Variants in SH3PXD2A observed in about 807,000 individuals in gnomAD.
SH3PXD2A encodes SH3 and PX domain-containing protein 2A.
SH3PXD2A carries 32 observed loss-of-function variants against 115.2 expected under a neutral mutation model. That is an observed-to-expected ratio of 0.28 (90% confidence interval 0.21 to 0.37). The LOEUF (loss-of-function observed/expected upper bound fraction) is 0.37. Among genes scored for constraint, SH3PXD2A ranks in the 10% least tolerant of loss-of-function variants. The probability of loss-of-function intolerance (pLI) is 1.00; values close to 1 mark genes in which losing one functional copy is unlikely to be tolerated. For missense variants in SH3PXD2A, 1,328 were observed against 1,498.7 expected (o/e 0.89, Z 1.88); for synonymous variants, 610 against 629.1 (o/e 0.97, Z 0.45).
At chr10:103,700,574 T>C (rs2037880639) in intron 5 of SH3PXD2A, among the ~76,000 whole-genome samples, 1 of 152,104 alleles carries the variant, frequency 6.6e-6, no homozygotes, top group Non-Finnish European at 1.5e-5. Context: ...CCCACCTAGA[T>C]GGTGACACTG....
intron 2 of SH3PXD2A, among the ~76,000 whole-genome samples, chr10:103,767,916 G>A (rs1564884233): frequency 6.7e-6 from 1 of 149,086 alleles, no homozygotes; most frequent in Non-Finnish European, 1.5e-5. Flanking sequence ...CTTTGTGTGT[G>A]GCTGATTTCC....
At chr10:103,644,462 C>A (rs2037005444) in intron 8 of SH3PXD2A, among the ~76,000 whole-genome samples, 1 of 151,776 alleles carries the variant, frequency 6.6e-6, no homozygotes, top group Non-Finnish European at 1.5e-5. Flanking sequence ...TGGTACGCAC[C>A]TGTGGTCCCA....
chr10:103,625,129 CACT>C (rs2036672525), intron 9 of SH3PXD2A, among the ~76,000 whole-genome samples: 1 of 152,222 alleles, frequency 6.6e-6, no homozygotes, highest in Non-Finnish European at 1.5e-5. Context: ...CTGCCCAACC[CACT>C]ACTACTTGTT....
At chr10:103,724,855 T>C (rs972639732) in intron 4 of SH3PXD2A, among the ~76,000 whole-genome samples, 1 of 151,796 alleles carries the variant, frequency 6.6e-6, no homozygotes, top group Admixed American at 6.5e-5. Flanking sequence ...CTAATCATTC[T>C]GCAGGAACCC....
chr10:103,791,707 C>T (rs910260487), intron 2 of SH3PXD2A, among the ~76,000 whole-genome samples: 2 of 151,998 alleles, frequency 1.3e-5, no homozygotes, highest in Non-Finnish European at 2.9e-5. Context: ...TCCCGAGTTG[C>T]TCTGGACCTG....
chr10:103,737,217 C>CT (rs2038390835), intron 3 of SH3PXD2A, among the ~76,000 whole-genome samples: 1 of 152,152 alleles, frequency 6.6e-6, no homozygotes, highest in African/African-American at 2.4e-5. Context: ...AACCAGGGTC[C>CT]ACCTGGTACT....
Position 103,666,593 on chromosome 10 carries a change from T to C in SH3PXD2A, c.472+2015A>G, listed in dbSNP as rs1657706011. On this transcript the variant is annotated intron_variant, in intron 7 of 14. Coordinates refer to ENST00000369774, the MANE Select transcript of SH3PXD2A (RefSeq NM_001394015.1). The surrounding 1 kb of genome is among the most constrained non-coding windows in gnomAD (Gnocchi z 4.5). The stretch of plus-strand genomic sequence containing the variant: ...AATGCTTAGAATTAGAGTCCAAAGG[T>C]CTGAGGTCCAGTCCTGCTTTGCCCT... Among the ~76,000 whole-genome samples, 2 of 152,210 alleles carry C rather than the reference T, an allele frequency of 1.3e-5. No individual in the cohort carries two copies. The highest frequency in any genetic ancestry group is 6.5e-5 in the Admixed American group (1 of 15,288).
intron 6 of SH3PXD2A, among the ~76,000 whole-genome samples, chr10:103,687,613 G>A (rs559770721): frequency 3.1e-4 from 47 of 152,208 alleles, no homozygotes; most frequent in Admixed American, 7.2e-4. Context: ...AGCCCCCTGC[G>A]ACCTTGCACA....
chr10:103,792,747 T>C (rs2039047184), intron 2 of SH3PXD2A, among the ~76,000 whole-genome samples: 1 of 152,172 alleles, frequency 6.6e-6, no homozygotes, highest in Non-Finnish European at 1.5e-5. Context: ...AGTTTCGTCA[T>C]GACACAAGAA....
intron 5 of SH3PXD2A, among the ~76,000 whole-genome samples, chr10:103,702,976 G>A (rs1295886204): frequency 1.3e-5 from 2 of 152,184 alleles, no homozygotes; most frequent in Non-Finnish European, 2.9e-5. Context: ...CAGATACCAG[G>A]GCCCCACTGC....
chr10:103,813,181 G>A (rs1390706902), intron 1 of SH3PXD2A, among the ~76,000 whole-genome samples: 1 of 151,952 alleles, frequency 6.6e-6, no homozygotes, highest in East Asian at 1.9e-4. Flanking sequence ...GATTGTATGG[G>A]GGGAAGTTTG....
chr10:103,663,707 C>A (rs1409362839), intron 7 of SH3PXD2A, among the ~76,000 whole-genome samples: 1 of 152,244 alleles, frequency 6.6e-6, no homozygotes, highest in Non-Finnish European at 1.5e-5. Context: ...TAGGGGGAGG[C>A]TCCCTCCAAC....
chr10:103,663,698 A>G (rs2047038), intron 7 of SH3PXD2A, among the ~76,000 whole-genome samples: 151,527 of 152,348 alleles, frequency 0.99, 75,357 homozygotes, highest in Middle Eastern at 1. Flanking sequence ...GTCCTTCTGT[A>G]GGGGGAGGCT....
chr10:103,836,522 TAC>T (rs898226949), intron 1 of SH3PXD2A, among the ~76,000 whole-genome samples: 48 of 146,000 alleles, frequency 3.3e-4, no homozygotes, highest in Admixed American at 2.9e-3. Context: ...CATCCCCCAA[TAC>T]ACACATTCCA....
At chr10:103,741,924 C>T (rs946403398) in intron 3 of SH3PXD2A, among the ~76,000 whole-genome samples, 53 of 152,128 alleles carry the variant, frequency 3.5e-4, no homozygotes, top group African/African-American at 1.0e-3. Flanking sequence ...GCTGGAGGAT[C>T]GCTTGAACTC....
At chr10:103,704,737 C>T (rs760755286) in intron 5 of SH3PXD2A, among the ~76,000 whole-genome samples, 33 of 152,250 alleles carry the variant, frequency 2.2e-4, no homozygotes, top group South Asian at 1.7e-3. Context: ...GGGTGCAGGG[C>T]GGCCTGGGGG....
chr10:103,600,013 G>A lies in SH3PXD2A; in HGVS notation c.*1803C>T, dbSNP rs926254075. On this transcript the variant is annotated 3_prime_UTR_variant, in exon 15 of 15. Transcript: ENST00000369774. ...GGGTGTGGTGGGGTAGGGTAGGGGT[G>A]GGGGTGGGTTTTGAAGGCACTGAGA... The A allele has an allele frequency of 1.3e-5, 2 of 152,250 alleles. No individual in the cohort carries two copies. Among genetic ancestry groups the A allele is most frequent in the African/African-American group, 2.4e-5 (1 of 41,350 alleles). 9.4% of individuals were successfully genotyped at this position (152,250 alleles called of 1,614,324 possible).
rs138382005 is a variant in SH3PXD2A at position 103,646,085 on chromosome 10, CTCTT to C, written c.604+14894_604+14897del. Among the ~76,000 whole-genome samples, 560 of 152,280 alleles carry C rather than the reference CTCTT, an allele frequency of 3.7e-3. 7 individuals are homozygous for C. The highest frequency in any genetic ancestry group is 0.013 in the African/African-American group (532 of 41,556). On this transcript the variant is annotated intron_variant, in intron 8 of 14. Coordinates refer to ENST00000369774, the MANE Select transcript of SH3PXD2A (RefSeq NM_001394015.1). ...GACATATAGGAGGTGCTTTAATAAT[CTCTT>C]TCTTGTCTTTCCCATCAGTTTCATC...
chr10:103,732,853 C>T (rs578208806), intron 4 of SH3PXD2A, among the ~76,000 whole-genome samples: 24 of 152,266 alleles, frequency 1.6e-4, no homozygotes, highest in African/African-American at 5.5e-4. Flanking sequence ...GGCCGTGGAG[C>T]GGACTGCACA....
Sources: allele counts gnomAD v4.1 joint callset (sites outside exome capture counted in the v4.1 genomes callset), GRCh38; gene constraint gnomAD v4.1.1; non-coding constraint Gnocchi (gnomAD v3.1); transcripts MANE v1.5; gene names NCBI Gene and HGNC (gene_info 2026-07-23, HGNC 2026-07-21).